The following CWC27 variants were observed in gnomAD, a reference collection of about 807,000 sequenced individuals.
The protein encoded by CWC27 is spliceosome-associated protein CWC27 homolog.
CWC27 carries 47 observed loss-of-function variants against 63.6 expected under a neutral mutation model. The ratio of observed to expected loss-of-function variants is 0.74; its 90% CI spans 0.58 to 0.94. The LOEUF is 0.94. CWC27 is among the 40% of genes least tolerant of loss of function. The probability of loss-of-function intolerance (pLI) is 0.00; values close to 1 mark genes in which losing one functional copy is unlikely to be tolerated. For synonymous variants in CWC27, 175 were observed against 179.8 expected (o/e 0.97, Z 0.22); for missense variants, 495 against 554.3 (o/e 0.89, Z 1.07).
intron 10 of CWC27, among the ~76,000 whole-genome samples, chr5:64,878,470 T>TAAAAAAAAAA (rs397998002): frequency 0.049 from 1,315 of 26,920 alleles, 317 homozygotes; most frequent in East Asian, 0.12. Flanking sequence ...GGTTACAGAT[T>TAAAAAAAAAA]AAAAAAAAAA....
intron 10 of CWC27, among the ~76,000 whole-genome samples, chr5:64,884,486 C>G (rs971486601): frequency 3.9e-5 from 6 of 152,148 alleles, no homozygotes; most frequent in African/African-American, 1.4e-4. Context: ...GAAAGAAGCA[C>G]TAAAGGTTCA....
At chr5:64,907,582 C>T (rs74997507) in intron 11 of CWC27, among the ~76,000 whole-genome samples, 1 of 152,172 alleles carries the variant, frequency 6.6e-6, no homozygotes, top group African/African-American at 2.4e-5. Flanking sequence ...CTGGGGTTTT[C>T]CAAATACACA....
intron 11 of CWC27, among the ~76,000 whole-genome samples, chr5:64,957,207 G>T (rs913925595): frequency 2.6e-5 from 4 of 152,030 alleles, no homozygotes; most frequent in African/African-American, 9.7e-5. Flanking sequence ...TGCTTAATTC[G>T]CCTTGGGCAA....
intron 13 of CWC27, among the ~76,000 whole-genome samples, chr5:64,998,461 T>C (rs1749677005): frequency 6.6e-6 from 1 of 152,172 alleles, no homozygotes; most frequent in African/African-American, 2.4e-5. Flanking sequence ...GCAAGAAAGC[T>C]GAGAAACTGT....
chr5:64,917,262 C>T (rs1214824467), intron 11 of CWC27, among the ~76,000 whole-genome samples: 2 of 152,140 alleles, frequency 1.3e-5, no homozygotes, highest in Admixed American at 1.3e-4. Context: ...TAGGCCTCTG[C>T]ATACATATTG....
At chr5:64,951,561 G>T (rs1748709329) in intron 11 of CWC27, among the ~76,000 whole-genome samples, 1 of 151,866 alleles carries the variant, frequency 6.6e-6, no homozygotes, top group African/African-American at 2.4e-5. Context: ...TTTATTCATA[G>T]ATATCTGCAC....
chr5:65,000,385 C>T (rs1280507573), intron 13 of CWC27, among the ~76,000 whole-genome samples: 2 of 151,880 alleles, frequency 1.3e-5, no homozygotes, highest in African/African-American at 4.8e-5. Flanking sequence ...AGGTGTTAAC[C>T]ATAAAATTTT....
intron 13 of CWC27, among the ~76,000 whole-genome samples, chr5:65,012,257 A>C (rs944023451): frequency 3.3e-5 from 5 of 152,246 alleles, no homozygotes; most frequent in Admixed American, 6.5e-5. Context: ...AAGACATAGA[A>C]GAAAGTATCT....
intron 10 of CWC27, among the ~76,000 whole-genome samples, chr5:64,843,935 G>A (rs897577672): frequency 6.6e-6 from 1 of 151,470 alleles, no homozygotes; most frequent in Non-Finnish European, 1.5e-5. Context: ...CCGCCACCCC[G>A]CAGCCCCGAC....
At chr5:64,807,959 T>G in intron 10 of CWC27, 3 of 1,423,432 alleles carry the variant, frequency 2.1e-6, no homozygotes, top group Non-Finnish European at 2.7e-6. Flanking sequence ...CCACTGAAAC[T>G]ACTTCCACTA....
intron 10 of CWC27, among the ~76,000 whole-genome samples, chr5:64,806,869 A>G (rs1485479423): frequency 2.0e-5 from 3 of 152,176 alleles, no homozygotes; most frequent in African/African-American, 7.2e-5. Flanking sequence ...CCAAATCATT[A>G]GTACTTTTGG....
At chr5:64,905,746 G>T (rs1237024994) in intron 11 of CWC27, among the ~76,000 whole-genome samples, 1 of 151,992 alleles carries the variant, frequency 6.6e-6, no homozygotes, top group Non-Finnish European at 1.5e-5. Flanking sequence ...TCTTACATAG[G>T]TATATATGTG....
rs138416663 is a variant in CWC27 at position 64,841,147 on chromosome 5, A to C, written c.938+36761A>C. Among the ~76,000 whole-genome samples the C allele has an allele frequency of 1.5e-3, 222 of 152,334 alleles. 1 individual carries two copies. Among genetic ancestry groups the C allele is most frequent in the African/African-American group, 4.9e-3 (204 of 41,568 alleles). On this transcript the variant is annotated intron_variant, in intron 10 of 13. Transcript: ENST00000381070. ...GGCTTTATAGCTCTGGAGGCTGGGAAGTCCAAGACCATGGTGCTGGCATCT... is the reference window on the plus strand; with the variant it reads ...GGCTTTATAGCTCTGGAGGCTGGGACGTCCAAGACCATGGTGCTGGCATCT...
intron 11 of CWC27, among the ~76,000 whole-genome samples, chr5:64,911,865 G>A (rs12697024): frequency 3.9e-5 from 6 of 152,002 alleles, no homozygotes; most frequent in African/African-American, 1.2e-4. Flanking sequence ...ACAAGGTCAG[G>A]AGATGGAGAC....
At chr5:64,980,723 T>C (rs749612151) in intron 13 of CWC27, among the ~76,000 whole-genome samples, 8 of 152,164 alleles carry the variant, frequency 5.3e-5, no homozygotes, top group Non-Finnish European at 1.2e-4. Flanking sequence ...TTTAGTATTA[T>C]AAAAATTTGA....
chr5:64,776,118 A>G (rs1039717060), intron 2 of CWC27, among the ~76,000 whole-genome samples: 8 of 105,060 alleles, frequency 7.6e-5, no homozygotes, highest in African/African-American at 2.5e-4. Context: ...AGAGAGAGAG[A>G]GAGAATGAAA....
At chr5:64,909,406 A>G (rs953065256) in intron 11 of CWC27, among the ~76,000 whole-genome samples, 4 of 151,998 alleles carry the variant, frequency 2.6e-5, no homozygotes, top group Non-Finnish European at 5.9e-5. Flanking sequence ...TCTGACGATT[A>G]TGTGTCTTGG....
chr5:64,820,506 C>T (rs1224720772), intron 10 of CWC27, among the ~76,000 whole-genome samples: 1 of 151,480 alleles, frequency 6.6e-6, no homozygotes, highest in Non-Finnish European at 1.5e-5. Context: ...ATATGTGAAC[C>T]AATATCTAGA....
intron 11 of CWC27, among the ~76,000 whole-genome samples, chr5:64,891,858 G>C (rs10070625): frequency 0.17 from 25,870 of 151,612 alleles, 2,525 homozygotes; most frequent in South Asian, 0.33. Context: ...GCAGTGGTGC[G>C]ATCTCAGCTC....
Sources: allele counts gnomAD v4.1 joint callset (sites outside exome capture counted in the v4.1 genomes callset), GRCh38; gene constraint gnomAD v4.1.1; transcripts MANE v1.5; gene names NCBI Gene and HGNC (gene_info 2026-07-23, HGNC 2026-07-21).